The following SAMD12 variants were observed in gnomAD, a reference collection of about 807,000 sequenced individuals.
SAMD12 encodes sterile alpha motif domain-containing protein 12.
SAMD12 carries 9 observed loss-of-function variants against 15.0 expected under a neutral mutation model. The observed-to-expected ratio is 0.60, with a 90% CI of 0.36 to 1.05. The LOEUF (loss-of-function observed/expected upper bound fraction) is 1.05, where lower values mean the gene tolerates loss of function less well. Ranked by LOEUF, SAMD12 falls within the 50% of genes least tolerant of loss-of-function variation. The probability of loss-of-function intolerance (pLI) is 0.01; values close to 1 mark genes in which losing one functional copy is unlikely to be tolerated. For missense variants in SAMD12, 230 were observed against 234.2 expected (o/e 0.98, Z 0.12); for synonymous variants, 86 against 90.1 (o/e 0.96, Z 0.25).
At chr8:118,502,136 T>C (rs1824801598) in intron 2 of SAMD12, among the ~76,000 whole-genome samples, 1 of 152,196 alleles carries the variant, frequency 6.6e-6, no homozygotes, top group Admixed American at 6.5e-5. Flanking sequence ...TCACTTTCTG[T>C]AGTAAGATTA....
the SAMD12 span, among the ~76,000 whole-genome samples, chr8:118,180,244 C>A: frequency 3.3e-5 from 5 of 152,158 alleles, no homozygotes; most frequent in African/African-American, 4.8e-5. Flanking sequence ...TGTGGCCAGG[C>A]GAGATGAGAG....
chr8:118,153,097 G>A, the SAMD12 span, among the ~76,000 whole-genome samples: 1 of 152,308 alleles, frequency 6.6e-6, no homozygotes, highest in African/African-American at 2.4e-5. Context: ...TTTTCACTTG[G>A]TGTCTGTGTC....
At position 118,581,211 on chromosome 8, in the gene SAMD12, G is replaced by A. The variant is rs1049091793; in HGVS notation, c.14-318C>T. Among the ~76,000 whole-genome samples the A allele has an allele frequency of 3.9e-5, 6 of 152,184 alleles. No homozygotes were observed. The South Asian group carries it at 8.3e-4, about 21-fold the overall frequency. On this transcript the variant is annotated intron_variant, in intron 1 of 3. Transcript: ENST00000314727. ...AACGTTGTTACTGCTTCCCACACAC[G>A]CAATCATGCAATTATTTCAACCCTG...
the SAMD12 span, among the ~76,000 whole-genome samples, chr8:118,139,786 C>T: frequency 6.6e-6 from 1 of 152,168 alleles, no homozygotes; most frequent in Non-Finnish European, 1.5e-5. Context: ...GTATCTTCTT[C>T]CCACCCACCT....
At chr8:118,545,343 T>C (rs1453675037) in intron 2 of SAMD12, among the ~76,000 whole-genome samples, 2 of 152,082 alleles carry the variant, frequency 1.3e-5, no homozygotes, top group Non-Finnish European at 2.9e-5. Flanking sequence ...GGCAGGCACC[T>C]GTAATCCCAG....
intron 4 of SAMD12, among the ~76,000 whole-genome samples, chr8:118,201,500 TTCC>T (rs1819714754): frequency 6.6e-6 from 1 of 152,234 alleles, no homozygotes; most frequent in African/African-American, 2.4e-5. Flanking sequence ...GTATCCATCG[TTCC>T]TCCTAATTTT....
chr8:118,540,146 T>C (rs961194364), intron 2 of SAMD12, among the ~76,000 whole-genome samples: 11 of 152,198 alleles, frequency 7.2e-5, no homozygotes, highest in Admixed American at 2.0e-4. Flanking sequence ...CACTTTCAGC[T>C]GTTCCAGATG....
intron 4 of SAMD12, among the ~76,000 whole-genome samples, chr8:118,269,220 C>CTGTGTG (rs71515963): frequency 8.7e-4 from 107 of 123,034 alleles, no homozygotes; most frequent in Middle Eastern, 4.0e-3. Context: ...CTCTCTCTCT[C>CTGTGTG]TGTGTGTGTG....
At chr8:118,199,964 G>A (rs777018967) in intron 4 of SAMD12, among the ~76,000 whole-genome samples, 2 of 152,142 alleles carry the variant, frequency 1.3e-5, no homozygotes, top group Non-Finnish European at 2.9e-5. Context: ...ACGCATTGTG[G>A]GGAGAACCCG....
At chr8:118,282,173 G>T (rs1813680108) in intron 4 of SAMD12, 2 of 407,510 alleles carry the variant, frequency 4.9e-6, no homozygotes, top group Admixed American at 5.7e-5. Context: ...AAGTAAAAAT[G>T]ATTACTTCCC....
rs151071169 is a variant in SAMD12, at chr8:118,551,265, C to T, written c.192+29450G>A. Among the ~76,000 whole-genome samples the T allele has an allele frequency of 6.0e-3, 898 of 150,810 alleles. 2 individuals carry two copies. Among genetic ancestry groups the T allele is most frequent in the African/African-American group, 0.021 (836 of 40,320 alleles). Reference sequence around the variant, plus strand: ...ACCACACCTATTCCAAAACTGAACACATAGTTGGAAGTAAAGCTCTCCTCA... The same window carrying T: ...ACCACACCTATTCCAAAACTGAACATATAGTTGGAAGTAAAGCTCTCCTCA... On this transcript the variant is annotated intron_variant, in intron 2 of 3. Transcript: ENST00000314727.
chr8:118,295,015 G>C (rs535984300), intron 4 of SAMD12, among the ~76,000 whole-genome samples: 41 of 152,214 alleles, frequency 2.7e-4, no homozygotes, highest in African/African-American at 8.4e-4. Flanking sequence ...CACAGTGCTG[G>C]CAGTTAGAAA....
chr8:118,355,666 T>C (rs945181252), intron 4 of SAMD12, among the ~76,000 whole-genome samples: 1 of 152,182 alleles, frequency 6.6e-6, no homozygotes, highest in Non-Finnish European at 1.5e-5. Context: ...TAAAACATCC[T>C]CTTTATGTAC....
chr8:118,470,243 CTT>C (rs1242564095), intron 2 of SAMD12, among the ~76,000 whole-genome samples: 4 of 134,558 alleles, frequency 3.0e-5, no homozygotes, highest in Non-Finnish European at 4.7e-5. Flanking sequence ...AATATGTTAT[CTT>C]TTTTTTTTTT....
chr8:118,135,481 A>G, the SAMD12 span, among the ~76,000 whole-genome samples: 12 of 152,108 alleles, frequency 7.9e-5, no homozygotes, highest in Admixed American at 3.3e-4. Flanking sequence ...TGCCTGGCCT[A>G]TCAGGTAGAT....
At chr8:118,494,731 C>G (rs548456774) in intron 2 of SAMD12, among the ~76,000 whole-genome samples, 2 of 152,298 alleles carry the variant, frequency 1.3e-5, no homozygotes, top group Admixed American at 6.5e-5. Flanking sequence ...TCCCCAACAC[C>G]CTTCATCTCC....
chr8:118,333,686 T>A (rs1203787194), intron 4 of SAMD12, among the ~76,000 whole-genome samples: 36 of 152,062 alleles, frequency 2.4e-4, no homozygotes, highest in Admixed American at 2.4e-3. Context: ...AAGAGATACT[T>A]TAAAGGACCA....
chr8:118,251,028 C>G (rs1812807821), intron 4 of SAMD12, among the ~76,000 whole-genome samples: 1 of 152,106 alleles, frequency 6.6e-6, no homozygotes, highest in Non-Finnish European at 1.5e-5. Flanking sequence ...CCAAGATACA[C>G]AGAGGTAACT....
rs1163583360 is a variant in SAMD12 at position 118,419,203 on chromosome 8, G to GA, written c.322+20628dup. Among the ~76,000 whole-genome samples the GA allele has an allele frequency of 1.0e-2, 1,469 of 147,094 alleles. 29 individuals are homozygous for GA. Among genetic ancestry groups the GA allele is most frequent in the African/African-American group, 0.034 (1,382 of 40,282 alleles). On this transcript the variant is annotated intron_variant, in intron 3 of 3. Coordinates refer to ENST00000314727, the MANE Select transcript of SAMD12 (RefSeq NM_207506.3). ...AGGAATTGTCCTTGAACTGGAAGCA[G>GA]AAAAAAAAAAGCCTTAGGTGTCAGA...
Sources: allele counts gnomAD v4.1 joint callset (sites outside exome capture counted in the v4.1 genomes callset), GRCh38; gene constraint gnomAD v4.1.1; transcripts MANE v1.5; gene names NCBI Gene and HGNC (gene_info 2026-07-23, HGNC 2026-07-21).